FCHO1: variants seen among roughly 807,000 people sequenced by gnomAD.
FCHO1 encodes F-BAR domain only protein 1.
A neutral mutation model predicts 114.4 loss-of-function variants in FCHO1; 45 were observed. The ratio of observed to expected loss-of-function variants is 0.39; its 90% CI spans 0.31 to 0.50. The LOEUF (loss-of-function observed/expected upper bound fraction) is 0.50. FCHO1 is among the 20% of genes least tolerant of loss of function. The pLI is 0.77. For missense variants in FCHO1, 1,042 were observed against 1,209.6 expected, an observed-to-expected ratio of 0.86 and a Z score of 2.06; for synonymous variants, 480 against 488.9, an observed-to-expected ratio of 0.98 and a Z score of 0.24.
chr19:17,778,279 G>A, intron 19 of FCHO1, 51 bp downstream of exon 19: 1 of 1,474,504 alleles, frequency 6.8e-7, no homozygotes, highest in Non-Finnish European at 9.5e-7. Flanking sequence ...AGGGAGGTTG[G>A]GTGGGGCCAT....
intron 1 of FCHO1, among the ~76,000 whole-genome samples, chr19:17,752,951 G>A (rs549528304): frequency 5.3e-5 from 8 of 151,980 alleles, no homozygotes; most frequent in African/African-American, 1.7e-4. Flanking sequence ...TTATTCAGGC[G>A]TGAGCCTGTA....
At chr19:17,753,338 G>C (rs922775849) in intron 1 of FCHO1, among the ~76,000 whole-genome samples, 3 of 152,186 alleles carry the variant, frequency 2.0e-5, no homozygotes, top group African/African-American at 7.2e-5. Context: ...ACCAGTGCAG[G>C]GTTGGGAATG....
intron 7 of FCHO1, 110 bp downstream of exon 7, chr19:17,766,920 AT>A (rs1736784819): frequency 5.3e-6 from 6 of 1,133,606 alleles, no homozygotes; most frequent in Non-Finnish European, 7.5e-6. Context: ...GCCTCCGAGA[AT>A]TCCGTTAATT....
Position 17,776,131 on chromosome 19 carries a change from G to A in FCHO1, c.1152G>A (p.Ala384=), listed in dbSNP as rs2287854. 0.44 allele frequency: 704,339 copies of A among 1,613,040 alleles called. 159,712 individuals are homozygous for A. The highest frequency in any genetic ancestry group is 0.77 in the East Asian group (34,487 of 44,846). ...EAAAAQLRAT[A]GSLILPPGPG... ...CAGCGGCACAGCTCAGGGCCACCGCGGGCAGCCTCATCCTTCCTCCTGGCC... is the reference window on the plus strand; with the variant it reads ...CAGCGGCACAGCTCAGGGCCACCGCAGGCAGCCTCATCCTTCCTCCTGGCC... Residue 384 remains alanine (A), a synonymous_variant, in exon 16 of 29, where the codon GCG becomes GCA. Transcript: ENST00000596536. This position sits in a 1 kb window ranked among gnomAD's most constrained non-coding sequence, Gnocchi z 4.4.
Position 17,784,796 on chromosome 19 carries a change from C to T in FCHO1, c.2298C>T (p.Thr766=), listed in dbSNP as rs1367722644. The change falls in exon 26 of 29, where the codon ACC becomes ACT. Residue 766 remains threonine, a synonymous_variant. Coordinates refer to ENST00000596536, the MANE Select transcript of FCHO1 (RefSeq NM_015122.3). The surrounding 1 kb of genome is among the most constrained non-coding windows in gnomAD (Gnocchi z 5.3). The part of the protein sequence containing the change: ...SAHWQCGATL[T]QVSVEYGYRP... ...ACTGGCAGTGTGGAGCCACCCTCAC[C>T]CAGGTCTCAGTGGAGTACGGCTACC... The T allele has an allele frequency of 2.5e-6, 4 of 1,614,140 alleles. No individual in the cohort carries two copies. The highest frequency in any genetic ancestry group is 1.6e-4 in the Middle Eastern group (1 of 6,062).
At chr19:17,771,585 C>T (rs184808041) in intron 9 of FCHO1, among the ~76,000 whole-genome samples, 58 of 151,368 alleles carry the variant, frequency 3.8e-4, no homozygotes, top group African/African-American at 1.3e-3. Flanking sequence ...CGGAGAATGG[C>T]GAGAACCCAG....
chr19:17,766,112 A>C (rs897565172), intron 6 of FCHO1, among the ~76,000 whole-genome samples: 3 of 150,546 alleles, frequency 2.0e-5, no homozygotes, highest in African/African-American at 4.9e-5. Context: ...ATGCTCTCTC[A>C]ATCTCCTGAC....
intron 7 of FCHO1, among the ~76,000 whole-genome samples, chr19:17,770,134 C>T (rs1264699942): frequency 6.6e-6 from 1 of 151,932 alleles, no homozygotes; most frequent in African/African-American, 2.4e-5. Flanking sequence ...ACCCCGTCTC[C>T]ACTAAAAATA....
At chr19:17,781,168 C>T in intron 20 of FCHO1, 63 bp from the exon 21 acceptor site, 1 of 1,226,582 alleles carries the variant, frequency 8.2e-7, no homozygotes, top group South Asian at 1.4e-5. Context: ...AGTTTGTGCC[C>T]CTGGGGAGGC....
chr19:17,787,636 G>A (rs2094024376), intron 27 of FCHO1, 46 bp from the exon 28 acceptor site: 2 of 1,515,332 alleles, frequency 1.3e-6, no homozygotes, highest in Non-Finnish European at 1.8e-6. Context: ...TTCACAGCTG[G>A]GACGGGGGCT....
Position 17,784,722 on chromosome 19 carries a change from T to A in FCHO1, c.2227-3T>A. On this transcript the variant is annotated splice_polypyrimidine_tract_variant and splice_region_variant and intron_variant, in intron 25 of 28. Coordinates refer to ENST00000596536, the MANE Select transcript of FCHO1 (RefSeq NM_015122.3). The surrounding 1 kb of genome is among the most constrained non-coding windows in gnomAD (Gnocchi z 5.3). ...TCCTCTCTCTCATTCTCATTCTTCC[T>A]AGTTCTCCCGCCCGGGTCCCCAGTC... is the stretch of plus-strand genomic sequence containing the variant. The A allele has an allele frequency of 6.2e-7, 1 of 1,613,896 alleles. No individual in the cohort carries two copies. The highest frequency in any genetic ancestry group is 1.1e-5 in the South Asian group (1 of 91,088).
At chr19:17,772,986 A>G (rs2091965123) in intron 11 of FCHO1, among the ~76,000 whole-genome samples, 1 of 152,164 alleles carries the variant, frequency 6.6e-6, no homozygotes, top group African/African-American at 2.4e-5. Context: ...TTCATGGGAA[A>G]AATGGGCTGC....
rs780952862 is a variant in FCHO1, at chr19:17,788,356, G to C, written c.*50G>C. 1.5e-5 allele frequency: 22 copies of C among 1,498,870 alleles called. No individual in the cohort carries two copies. Among genetic ancestry groups the C allele is most frequent in the African/African-American group, 2.8e-5 (2 of 71,854 alleles). 92.8% of individuals were successfully genotyped at this position (1,498,870 alleles called of 1,614,324 possible). A position where few individuals can be genotyped will look rare whatever the true frequency, so the allele number is the denominator to read the frequency against. On this transcript the variant is annotated 3_prime_UTR_variant, in exon 29 of 29. Transcript: ENST00000596536. ...TCTACACTGCGCCCTGGTGCTGGCT[G>C]ACCACCCCCTGCCCTCCTGCCGGAC...
rs750417318 is a variant in FCHO1 at position 17,778,932 on chromosome 19, GGGATTGAGC to G, written c.1627+50_1627+58del. On this transcript the variant is annotated intron_variant, in intron 20 of 28. Transcript: ENST00000596536. ...TGAGAGTTGCTGGAACCCTGGGCGG[GGGATTGAGC>G]GCCTGCTTTGGGCAGGGCCTGATCA... 6.8e-6 allele frequency: 10 copies of G among 1,474,074 alleles called. No individual in the cohort carries two copies. The South Asian group carries it at 1.1e-4, about 16-fold the overall frequency. 91.3% of individuals were successfully genotyped at this position (1,474,074 alleles called of 1,614,324 possible).
Position 17,770,908 on chromosome 19 carries a change from G to A in FCHO1, c.594+12G>A. 1.2e-6 allele frequency: 2 copies of A among 1,610,700 alleles called. No homozygotes were observed. Among genetic ancestry groups the A allele is most frequent in the Non-Finnish European group, 1.7e-6 (2 of 1,177,368 alleles). On this transcript the variant is annotated intron_variant, in intron 9 of 28. Coordinates refer to ENST00000596536, the MANE Select transcript of FCHO1 (RefSeq NM_015122.3). ...TGGACTCAGCCCTGGTAAGAACCAG[G>A]CATCTGTACCTTTAAGACCCACACA...
Position 17,770,943 on chromosome 19 carries a change from C to T in FCHO1, c.594+47C>T, listed in dbSNP as rs1446880975. On this transcript the variant is annotated intron_variant, in intron 9 of 28. Transcript: ENST00000596536. ...CTTTAAGACCCACACATGCCTTTGC[C>T]CTGGAGGTTATGGACTGCAGAAATC... The T allele has an allele frequency of 4.6e-6, 7 of 1,534,670 alleles. No individual in the cohort carries two copies. The African/African-American group carries it at 8.2e-5, about 18-fold the overall frequency.
At position 17,774,987 on chromosome 19, in the gene FCHO1, T is replaced by G. The variant is rs2092411670; in HGVS notation, c.921-69T>G. Reference sequence around the variant, plus strand: ...GCTGCCCCAGCTTCCATGTCCAGTGTTGGGGGCTGACAGGGGGCACCAGAT... The same window carrying G: ...GCTGCCCCAGCTTCCATGTCCAGTGGTGGGGGCTGACAGGGGGCACCAGAT... On this transcript the variant is annotated intron_variant, in intron 13 of 28. Coordinates refer to ENST00000596536, the MANE Select transcript of FCHO1 (RefSeq NM_015122.3). The G allele has an allele frequency of 2.6e-6, 4 of 1,561,460 alleles. No individual in the cohort carries two copies. The African/African-American group carries it at 4.1e-5, about 16-fold the overall frequency.
intron 27 of FCHO1, among the ~76,000 whole-genome samples, 196 bp downstream of exon 27, chr19:17,786,825 G>T (rs897107990): frequency 6.6e-6 from 1 of 152,070 alleles, no homozygotes; most frequent in Non-Finnish European, 1.5e-5. Flanking sequence ...GGCCCAGAAT[G>T]CAGGATCACT....
At position 17,770,548 on chromosome 19, in the gene FCHO1, G is replaced by C. The variant is rs780905707; in HGVS notation, c.460G>C (p.Glu154Gln). ...RCMDQERLRR[E>Q]STSQKEMDKA... Reference sequence around the variant, plus strand: ...CATGGACCAGGAGCGGCTGCGGAGGGAGAGTACCAGCCAGAAGGAGATGGA... The same window carrying C: ...CATGGACCAGGAGCGGCTGCGGAGGCAGAGTACCAGCCAGAAGGAGATGGA... Residue 154 changes from glutamate to glutamine, a missense_variant, in exon 8 of 29, where the codon GAG (glutamate) becomes CAG (glutamine). This residue lies in a region of FCHO1 where 450 missense variants were observed against 564.1 expected (regional missense o/e 0.80). Transcript: ENST00000596536. The C allele has an allele frequency of 6.1e-5, 99 of 1,613,256 alleles. 1 individual carries two copies. The highest frequency in any genetic ancestry group is 7.8e-5 in the Non-Finnish European group (92 of 1,179,474).
Sources: gnomAD v4.1 joint callset for allele counts (sites outside exome capture counted in the v4.1 genomes callset) on GRCh38, gnomAD v4.1.1 for gene constraint, gnomAD v4.1.1 regional missense constraint, Gnocchi (gnomAD v3.1) non-coding constraint, MANE v1.5 for transcripts, NCBI Gene and HGNC (gene_info 2026-07-23, HGNC 2026-07-21) for gene names.